ALKAL2: variants seen among roughly 807,000 people sequenced by gnomAD.
ALKAL2 encodes the protein AUG-alpha.
Under a neutral mutation model 18.5 loss-of-function variants are expected in ALKAL2, and 8 were observed. That is an observed-to-expected ratio of 0.43 (90% CI 0.25 to 0.78). ALKAL2 has a LOEUF of 0.78. Ranked by LOEUF, ALKAL2 falls within the 30% of genes least tolerant of loss-of-function variation. ALKAL2 has a pLI of 0.22. For synonymous variants in ALKAL2, 135 were observed against 95.8 expected (o/e 1.41, Z -2.39); for missense variants, 241 against 211.2 (o/e 1.14, Z -0.88).
At chr2:285,365 C>T (rs747665031) in intron 4 of ALKAL2, among the ~76,000 whole-genome samples, 6 of 152,098 alleles carry the variant, frequency 3.9e-5, no homozygotes, top group Non-Finnish European at 7.4e-5. Context: ...GCTGGAGAGC[C>T]CTGATGACAG....
intron 5 of ALKAL2, among the ~76,000 whole-genome samples, chr2:281,026 C>T (rs752415265): frequency 3.9e-5 from 6 of 152,206 alleles, no homozygotes; most frequent in African/African-American, 7.2e-5. Flanking sequence ...CACCGTCACA[C>T]GAGTGTGGGC....
At chr2:281,180 AT>A (rs1670328988) in intron 5 of ALKAL2, among the ~76,000 whole-genome samples, 1 of 152,260 alleles carries the variant, frequency 6.6e-6, no homozygotes, top group Non-Finnish European at 1.5e-5. Context: ...ACCAGTAACA[AT>A]TTGCTGTTGC....
rs1312311063 is a variant in ALKAL2, at chr2:288,044, T to G, written c.-89A>C. 8.2e-7 allele frequency: 1 copy of G among 1,215,022 alleles called. No individual in the cohort carries two copies. Among genetic ancestry groups the G allele is most frequent in the Non-Finnish European group, 1.0e-6 (1 of 978,766 alleles). The allele number at this position is 1,215,022 out of a possible 1,614,324, so 75.3% of individuals were successfully genotyped here. On this transcript the variant is annotated 5_prime_UTR_variant, in exon 1 of 6. Transcript: ENST00000403610. ...GGACCCCGAGGAACAAGCCGGCAGG[T>G]GAGGGAGCCGCGGTCTCCTCGACGA...
In ALKAL2 at chr2:287,637, C is replaced by T. The variant is rs1451387507; in HGVS notation, c.199G>A (p.Ala67Thr). Reference sequence around the variant, plus strand: ...CCCGCCGCCTCCGCGCGGCCCAGGGCGCAGTCCCGCCCGAGGAGCTGCAGG... The same window carrying T: ...CCCGCCGCCTCCGCGCGGCCCAGGGTGCAGTCCCGCCCGAGGAGCTGCAGG... The part of the protein sequence containing the change: ...KGLQLLGRDC[A>T]LGRAEAAGLG... The change falls in exon 2 of 6, where the codon GCC (alanine) becomes ACC (threonine). Residue 67 changes from alanine (A) to threonine (T), a missense_variant. Coordinates refer to ENST00000403610, the MANE Select transcript of ALKAL2 (RefSeq NM_001002919.3). 2.0e-6 allele frequency: 3 copies of T among 1,481,678 alleles called. No individual in the cohort carries two copies. The highest frequency in any genetic ancestry group is 2.3e-5 in the Admixed American group (1 of 43,006). 91.8% of individuals were successfully genotyped at this position (1,481,678 alleles called of 1,614,324 possible).
At chr2:285,043 A>T (rs770666464) in intron 4 of ALKAL2, among the ~76,000 whole-genome samples, 2 of 152,138 alleles carry the variant, frequency 1.3e-5, no homozygotes, top group African/African-American at 2.4e-5. Context: ...CGTGAGGATG[A>T]TGTTGCTAAA....
At position 287,604 on chromosome 2, in the gene ALKAL2, GC is replaced by G; in HGVS notation, c.231del (p.Pro78LeufsTer14). On this transcript the variant is annotated frameshift_variant, in exon 2 of 6. Transcript: ENST00000403610. LOFTEE classifies it high-confidence loss of function. ...ALGRAEAAGL[G>X]PSPEQRVEIV... The stretch of plus-strand genomic sequence containing the variant: ...TCACCCACTCGCTGCTCCGGCGAAG[GC>G]CCCAGCCCCGCCGCCTCCGCGCGGC... 6.8e-7 allele frequency: 1 copy of G among 1,469,746 alleles called. No individual in the cohort carries two copies. Among genetic ancestry groups the G allele is most frequent in the South Asian group, 1.3e-5 (1 of 76,580 alleles). 91.0% of individuals were successfully genotyped at this position (1,469,746 alleles called of 1,614,324 possible). A position where few individuals can be genotyped will look rare whatever the true frequency, so the allele number is the denominator to read the frequency against.
rs555116666 is a variant in ALKAL2, at chr2:281,603, C to T, written c.454-1451G>A. On this transcript the variant is annotated intron_variant, in intron 5 of 5. Coordinates refer to ENST00000403610, the MANE Select transcript of ALKAL2 (RefSeq NM_001002919.3). ...ATGACCACGTCCTTCAGTGTAACTG[C>T]ACCTGCCTCCAGCAGCAGCCAGCGG... Among the ~76,000 whole-genome samples the T allele has an allele frequency of 6.6e-5, 10 of 152,284 alleles. No individual in the cohort carries two copies. In the South Asian group the frequency reaches 1.0e-3, roughly 16 times the overall value.
At chr2:280,297 A>G in intron 5 of ALKAL2, 145 bp from the exon 6 acceptor site, 1 of 883,866 alleles carries the variant, frequency 1.1e-6, no homozygotes. Flanking sequence ...TGTGATCCAA[A>G]AAGTGTAGTC....
chr2:281,765 A>G (rs1198313584), intron 5 of ALKAL2, among the ~76,000 whole-genome samples: 5 of 151,742 alleles, frequency 3.3e-5, no homozygotes, highest in Admixed American at 6.6e-5. Context: ...CTCTGGGAAC[A>G]CTGTGTTTAA....
At position 279,830 on chromosome 2, in the gene ALKAL2, AAT is replaced by A. The variant is rs1487321761; in HGVS notation, c.*315_*316del. On this transcript the variant is annotated 3_prime_UTR_variant, in exon 6 of 6. Transcript: ENST00000403610. ...AAGATTCTGCTTATGTTTCTAAAGA[AAT>A]ATTTTTTGCGATTTCACCTAATGAA... is the stretch of plus-strand genomic sequence containing the variant. The A allele has an allele frequency of 3.1e-6, 1 of 318,162 alleles. No individual in the cohort carries two copies. The highest frequency in any genetic ancestry group is 4.5e-5 in the Admixed American group (1 of 22,054). The allele number at this position is 318,162 out of a possible 1,614,324, so 19.7% of individuals were successfully genotyped here. A position where few individuals can be genotyped will look rare whatever the true frequency, so the allele number is the denominator to read the frequency against.
chr2:283,280 T>C, intron 4 of ALKAL2, 105 bp from the exon 5 acceptor site: 1 of 1,500,676 alleles, frequency 6.7e-7, no homozygotes, highest in Non-Finnish European at 8.9e-7. Context: ...TCTTCAAATA[T>C]CTGAATTCCC....
chr2:284,462 A>G (rs1041338091), intron 4 of ALKAL2, among the ~76,000 whole-genome samples: 3 of 152,190 alleles, frequency 2.0e-5, no homozygotes, highest in Admixed American at 2.0e-4. Flanking sequence ...GCAGTAAAAA[A>G]GTGGTCCAAC....
intron 4 of ALKAL2, among the ~76,000 whole-genome samples, chr2:285,290 C>T (rs1017937590): frequency 6.6e-6 from 1 of 152,192 alleles, no homozygotes; most frequent in Non-Finnish European, 1.5e-5. Flanking sequence ...TGTACATTGG[C>T]TTTTCGTTTG....
chr2:280,439 C>G (rs1457936221), intron 5 of ALKAL2, among the ~76,000 whole-genome samples: 2 of 152,232 alleles, frequency 1.3e-5, no homozygotes, highest in African/African-American at 2.4e-5. Context: ...CATGTGCTAT[C>G]AGAATCCTCA....
At chr2:287,973 G>A (rs1338315304) in intron 1 of ALKAL2, 40 bp downstream of exon 1, 4 of 1,196,312 alleles carry the variant, frequency 3.3e-6, no homozygotes, top group Non-Finnish European at 4.2e-6. Context: ...GAGGGGAGGG[G>A]AGGCGGGAGG....
At position 287,787 on chromosome 2, in the gene ALKAL2, C is replaced by G; in HGVS notation, c.49G>C (p.Gly17Arg). The G allele has an allele frequency of 7.2e-7, 1 of 1,390,668 alleles. No homozygotes were observed. Among genetic ancestry groups the G allele is most frequent in the Non-Finnish European group, 9.3e-7 (1 of 1,079,200 alleles). The allele number at this position is 1,390,668 out of a possible 1,614,324, so 86.1% of individuals were successfully genotyped here. ...PLLLGLLLVL[G>R]AAGRGRGGAE... The stretch of plus-strand genomic sequence containing the variant: ...CCCCCCCGGCCGCGCCCCGCCGCCC[C>G]CAGCACCAGCAGCAGCCCCAGGAGG... Residue 17 changes from glycine (G) to arginine (R), a missense_variant, in exon 2 of 6, where the codon GGG becomes CGG. By Grantham distance (125) the Gly-to-Arg change is moderately radical. Coordinates refer to ENST00000403610, the MANE Select transcript of ALKAL2 (RefSeq NM_001002919.3).
chr2:281,838 G>A (rs1159219462), intron 5 of ALKAL2, among the ~76,000 whole-genome samples: 2 of 152,062 alleles, frequency 1.3e-5, no homozygotes, highest in Non-Finnish European at 2.9e-5. Flanking sequence ...CACCTTGGGT[G>A]ACAGGAATGT....
chr2:287,773 G>A lies in ALKAL2; in HGVS notation c.63C>T (p.Arg21=). 1 of 1,414,444 alleles carries A rather than the reference G, an allele frequency of 7.1e-7. No individual in the cohort carries two copies. The highest frequency in any genetic ancestry group is 9.2e-7 in the Non-Finnish European group (1 of 1,089,192). 87.6% of individuals were successfully genotyped at this position (1,414,444 alleles called of 1,614,324 possible). A position where few individuals can be genotyped will look rare whatever the true frequency, so the allele number is the denominator to read the frequency against. The change falls in exon 2 of 6, where the codon CGC becomes CGT. Residue 21 remains arginine, a synonymous_variant. Transcript: ENST00000403610. ...GLLLVLGAAG[R]GRGGAEPREP... ...CCCGGGGCTCCGCGCCCCCCCGGCC[G>A]CGCCCCGCCGCCCCCAGCACCAGCA... is the stretch of plus-strand genomic sequence containing the variant.
chr2:281,213 G>C (rs1360387010), intron 5 of ALKAL2, among the ~76,000 whole-genome samples: 1 of 152,230 alleles, frequency 6.6e-6, no homozygotes, highest in Non-Finnish European at 1.5e-5. Context: ...TTTGGAATTT[G>C]AAGAAATTAT....
Sources: gnomAD v4.1 joint callset for allele counts (sites outside exome capture counted in the v4.1 genomes callset) on GRCh38, gnomAD v4.1.1 for gene constraint, MANE v1.5 for transcripts, NCBI Gene and HGNC (gene_info 2026-07-23, HGNC 2026-07-21) for gene names.